Variants in PLCXD1 observed in about 807,000 individuals in gnomAD.
PLCXD1 encodes the protein PI-PLC X domain-containing protein 1.
PLCXD1 carries 45 observed loss-of-function variants against 37.8 expected under a neutral mutation model. The observed-to-expected ratio is 1.19, with a 90% CI of 0.94 to 1.53. The LOEUF (loss-of-function observed/expected upper bound fraction) is 1.53, where lower values mean the gene tolerates loss of function less well. Ranked by LOEUF, PLCXD1 falls within the 40% of genes most tolerant of loss-of-function variation. The pLI, the probability that PLCXD1 is intolerant of heterozygous loss-of-function variation, is 0.00. For missense variants in PLCXD1, 539 were observed against 454.7 expected, an observed-to-expected ratio of 1.19 and a Z score of -1.69; for synonymous variants, 246 against 206.9, an observed-to-expected ratio of 1.19 and a Z score of -1.62.
At position 302,106 on chromosome X, in the gene PLCXD1, A is replaced by G. The variant is rs1452464576; in HGVS notation, c.*2771A>G. 1 of 152,098 alleles carries G rather than the reference A, an allele frequency of 6.6e-6. No individual in the cohort carries two copies. The highest frequency in any genetic ancestry group is 2.4e-5 in the African/African-American group (1 of 41,388). The allele number at this position is 152,098 out of a possible 1,614,324, so 9.4% of individuals were successfully genotyped here. A position where few individuals can be genotyped will look rare whatever the true frequency, so the allele number is the denominator to read the frequency against. On this transcript the variant is annotated 3_prime_UTR_variant, in exon 7 of 7. Coordinates refer to ENST00000381657, the MANE Select transcript of PLCXD1 (RefSeq NM_018390.4). ...AGGCTGTGGCCTGGGCTGTTCCCTC[A>G]TTCATTCCTGCCTCCCGAGCCAAAC...
Position 288,796 on chromosome X carries a change from G to T in PLCXD1, c.191G>T (p.Arg64Leu), listed in dbSNP as rs138588184. 6.2e-7 allele frequency: 1 copy of T among 1,613,614 alleles called. No individual in the cohort carries two copies. Among genetic ancestry groups the T allele is most frequent in the Non-Finnish European group, 8.5e-7 (1 of 1,179,682 alleles). ...KKSPISHEES[R>L]LLQLLNKALP... is the part of the protein sequence containing the mutation. ...TCCCCCATTTCGCACGAGGAGTCCCGGCTGCTGCAGCTGCTGAACAAGGCC... is the reference window on the plus strand; with the variant it reads ...TCCCCCATTTCGCACGAGGAGTCCCTGCTGCTGCAGCTGCTGAACAAGGCC... The change falls in exon 3 of 7, where the codon CGG (arginine) becomes CTG (leucine). Residue 64 changes from arginine to leucine, a missense_variant. Arg to Leu is a moderately radical substitution (Grantham distance 102, BLOSUM62 -2). Transcript: ENST00000381657.
At chrX:284,014 T>C in intron 1 of PLCXD1, 153 bp from the exon 2 acceptor site, 1 of 632,104 alleles carries the variant, frequency 1.6e-6, no homozygotes, top group Non-Finnish European at 2.8e-6. Flanking sequence ...CCCGAGTAGC[T>C]GGGATGACAG....
At chrX:296,522 G>T (rs1337507100) in intron 6 of PLCXD1, among the ~76,000 whole-genome samples, 1 of 152,322 alleles carries the variant, frequency 6.6e-6, no homozygotes, top group East Asian at 1.9e-4. Flanking sequence ...TCAACACAGG[G>T]GCACTGGAAC....
intron 6 of PLCXD1, among the ~76,000 whole-genome samples, chrX:294,253 C>T (rs181354440): frequency 0.054 from 8,267 of 152,108 alleles, 731 homozygotes; most frequent in African/African-American, 0.19. Flanking sequence ...GAGGCCGAGG[C>T]GGGCGGATCA....
chrX:293,076 G>A lies in PLCXD1; in HGVS notation c.591G>A (p.Gln197=). ...TLRQLWSRGQ[Q]VIVSYEDESS... ...GGCAGCTGTGGTCCCGGGGCCAACA[G>A]GTCATCGTCTCCTATGAAGACGAGA... Residue 197 remains glutamine, a synonymous_variant, in exon 6 of 7, where the codon CAG becomes CAA. Coordinates refer to ENST00000381657, the MANE Select transcript of PLCXD1 (RefSeq NM_018390.4). 6.2e-7 allele frequency: 1 copy of A among 1,611,624 alleles called. No individual in the cohort carries two copies. The highest frequency in any genetic ancestry group is 8.5e-7 in the Non-Finnish European group (1 of 1,179,666).
rs2069409439 is a variant in PLCXD1, at chrX:285,211, CAT to C, written c.127+898_127+899del. ...ACATGCACACACACAGGTGTACACA[CAT>C]GCAGGCACATGTATACATGGATGTA... is the stretch of plus-strand genomic sequence containing the variant. On this transcript the variant is annotated intron_variant, in intron 2 of 6. Coordinates refer to ENST00000381657, the MANE Select transcript of PLCXD1 (RefSeq NM_018390.4). Among the ~76,000 whole-genome samples the C allele has an allele frequency of 3.3e-5, 5 of 152,130 alleles. No homozygotes were observed. In the South Asian group the frequency reaches 1.0e-3, roughly 32 times the overall value.
Position 291,552 on chromosome X carries a change from CAT to C in PLCXD1, c.448_449del (p.Ile150ProfsTer53), listed in dbSNP as rs1258368111. The C allele has an allele frequency of 6.2e-7, 1 of 1,613,058 alleles. No homozygotes were observed. Among genetic ancestry groups the C allele is most frequent in the Admixed American group, 1.7e-5 (1 of 60,004 alleles). ...WLERHPREVV[I>X]LACRNFEGLS... Reference sequence around the variant, plus strand: ...TGGAGCGGCATCCACGCGAGGTGGTCATCCTGGCCTGCAGAAACTTCGAGGGG... The same window carrying C: ...TGGAGCGGCATCCACGCGAGGTGGTCCCTGGCCTGCAGAAACTTCGAGGGG... On this transcript the variant is annotated frameshift_variant, in exon 5 of 7. Transcript: ENST00000381657. LOFTEE classifies it high-confidence loss of function.
At chrX:282,673 C>A (rs760301091) in intron 1 of PLCXD1, among the ~76,000 whole-genome samples, 264 of 149,476 alleles carry the variant, frequency 1.8e-3, no homozygotes, top group African/African-American at 6.4e-3. Context: ...CCATTGCAGT[C>A]CAGCCTGGGC....
chrX:300,595 T>C lies in PLCXD1; in HGVS notation c.*1260T>C, dbSNP rs1441124234. ...GTGTACATGTATATGTGTTTATACATGTATATGTGTGTATGCGTGTATACG... is the reference window on the plus strand; with the variant it reads ...GTGTACATGTATATGTGTTTATACACGTATATGTGTGTATGCGTGTATACG... On this transcript the variant is annotated 3_prime_UTR_variant, in exon 7 of 7. Transcript: ENST00000381657. 6.7e-6 allele frequency: 1 copy of C among 150,358 alleles called. No individual in the cohort carries two copies. The highest frequency in any genetic ancestry group is 1.5e-5 in the Non-Finnish European group (1 of 67,472). 9.3% of individuals were successfully genotyped at this position (150,358 alleles called of 1,614,324 possible). A position where few individuals can be genotyped will look rare whatever the true frequency, so the allele number is the denominator to read the frequency against.
chrX:293,952 C>T (rs188289025), intron 6 of PLCXD1, among the ~76,000 whole-genome samples: 98 of 152,288 alleles, frequency 6.4e-4, no homozygotes, highest in African/African-American at 2.0e-3. Flanking sequence ...AGGGAGAGGT[C>T]GGAGTTGCAC....
intron 6 of PLCXD1, 92 bp downstream of exon 6, chrX:293,310 T>C (rs2069699421): frequency 2.1e-6 from 2 of 950,276 alleles, no homozygotes; most frequent in Non-Finnish European, 3.3e-6. Flanking sequence ...CCTTCACTTT[T>C]ACGTGAAAAC....
chrX:290,381 G>C (rs990518895), intron 3 of PLCXD1, among the ~76,000 whole-genome samples: 1 of 148,340 alleles, frequency 6.7e-6, no homozygotes, highest in Admixed American at 6.8e-5. Flanking sequence ...AGTGAGCCCA[G>C]ATTGCACCAC....
chrX:291,207 G>A (rs915004987), intron 4 of PLCXD1, among the ~76,000 whole-genome samples: 3 of 151,126 alleles, frequency 2.0e-5, no homozygotes, highest in Non-Finnish European at 4.4e-5. Flanking sequence ...GTGCAGTGGT[G>A]CAATCTCAGC....
chrX:284,023 A>G, intron 1 of PLCXD1, 144 bp from the exon 2 acceptor site: 2 of 647,420 alleles, frequency 3.1e-6, no homozygotes, highest in South Asian at 3.6e-5. Context: ...CTGGGATGAC[A>G]GGTGCCACAG....
rs1170669139 is a variant in PLCXD1 at position 299,564 on chromosome X, CCTGACCAACATGGTGAAATCCCATCTCTA to C, written c.*232_*260del. On this transcript the variant is annotated 3_prime_UTR_variant, in exon 7 of 7. Coordinates refer to ENST00000381657, the MANE Select transcript of PLCXD1 (RefSeq NM_018390.4). ...CATGAGGTCAGGAGCTTGAGAGCAGCCTGACCAACATGGTGAAATCCCATCTCTACTAAAAATACAAAACTTAGCTGGGT... is the reference window on the plus strand; with the variant it reads ...CATGAGGTCAGGAGCTTGAGAGCAGCCTAAAAATACAAAACTTAGCTGGGT... 3 of 591,954 alleles carry C rather than the reference CCTGACCAACATGGTGAAATCCCATCTCTA, an allele frequency of 5.1e-6. No homozygotes were observed. The East Asian group carries it at 8.4e-5, about 17-fold the overall frequency. The allele number at this position is 591,954 out of a possible 1,614,324, so 36.7% of individuals were successfully genotyped here.
chrX:289,380 C>T (rs368043756), intron 3 of PLCXD1, among the ~76,000 whole-genome samples: 1 of 152,038 alleles, frequency 6.6e-6, no homozygotes, highest in East Asian at 1.9e-4. Flanking sequence ...AGCCACCGCG[C>T]CCGGCCCAGC....
chrX:283,973 C>A lies in PLCXD1; in HGVS notation c.-21-194C>A, dbSNP rs1434022207. 13 of 553,298 alleles carry A rather than the reference C, an allele frequency of 2.3e-5. No homozygotes were observed. The Admixed American group carries it at 3.8e-4, about 16-fold the overall frequency. The allele number at this position is 553,298 out of a possible 1,614,324, so 34.3% of individuals were successfully genotyped here. On this transcript the variant is annotated intron_variant, in intron 1 of 6. Transcript: ENST00000381657. ...CTCCGCTCACTGTAACCTCCACCTC[C>A]CGGGTTCAAGCGATTCTCCTGCCTC...
chrX:278,738 CA>C (rs549455644), upstream of PLCXD1, among the ~76,000 whole-genome samples: 344 of 102,850 alleles, frequency 3.3e-3, 3 homozygotes, highest in East Asian at 0.035. Flanking sequence ...GACTCCGTCT[CA>C]AAAAAAAAAA....
intron 2 of PLCXD1, among the ~76,000 whole-genome samples, chrX:287,228 T>C (rs1265737735): frequency 7.0e-6 from 1 of 143,702 alleles, no homozygotes; most frequent in Non-Finnish European, 1.5e-5. Context: ...TACATATTTA[T>C]ATTTATATAT....
Sources: allele counts gnomAD v4.1 joint callset (sites outside exome capture counted in the v4.1 genomes callset), GRCh38; gene constraint gnomAD v4.1.1; transcripts MANE v1.5; gene names NCBI Gene and HGNC (gene_info 2026-07-23, HGNC 2026-07-21).